Variants in CALD1 observed in about 807,000 individuals in gnomAD.
The protein encoded by CALD1 is caldesmon.
In CALD1, 33 loss-of-function variants were observed where a neutral mutation model predicts 99.9. That is an observed-to-expected ratio of 0.33 (90% CI 0.25 to 0.44). The LOEUF is 0.44. Ranked by LOEUF, CALD1 falls within the 20% of genes least tolerant of loss-of-function variation. CALD1 has a pLI of 1.00. For missense variants in CALD1, 861 were observed against 962.1 expected (o/e 0.89, Z 1.39); for synonymous variants, 310 against 325.0 (o/e 0.95, Z 0.50).
At chr7:134,802,391 G>T (rs1264296880) in intron 1 of CALD1, among the ~76,000 whole-genome samples, 1 of 147,782 alleles carries the variant, frequency 6.8e-6, no homozygotes, top group East Asian at 2.1e-4. Flanking sequence ...CCATGTTGTT[G>T]CATGTATAAG....
intron 1 of CALD1, among the ~76,000 whole-genome samples, chr7:134,811,247 T>C (rs1044688450): frequency 6.6e-6 from 1 of 152,166 alleles, no homozygotes; most frequent in Admixed American, 6.5e-5. Context: ...TTCAATTAAT[T>C]GAAGAAAGGG....
At chr7:134,776,904 AT>A (rs1358655876), upstream of CALD1, among the ~76,000 whole-genome samples, 2 of 152,230 alleles carry the variant, frequency 1.3e-5, no homozygotes, top group African/African-American at 2.4e-5. Flanking sequence ...AACTAAAAAA[AT>A]ATAAAGAATC....
At chr7:134,889,879 C>CTATA (rs1192007992) in intron 3 of CALD1, among the ~76,000 whole-genome samples, 5 of 152,078 alleles carry the variant, frequency 3.3e-5, no homozygotes, top group African/African-American at 1.2e-4. Flanking sequence ...TGTATTTACT[C>CTATA]TATAAACTAT....
intron 1 of CALD1, among the ~76,000 whole-genome samples, chr7:134,795,097 T>C (rs1797696696): frequency 6.6e-6 from 1 of 152,232 alleles, no homozygotes; most frequent in African/African-American, 2.4e-5. Flanking sequence ...TTTTTATTTA[T>C]TTATTTACTT....
At chr7:134,728,763 G>A in the CALD1 span, among the ~76,000 whole-genome samples, 1 of 151,902 alleles carries the variant, frequency 6.6e-6, no homozygotes. Flanking sequence ...TATCCCTTGA[G>A]GTTAATTCCT....
chr7:134,712,226 C>T, the CALD1 span, among the ~76,000 whole-genome samples: 2 of 152,170 alleles, frequency 1.3e-5, no homozygotes, highest in African/African-American at 2.4e-5. Flanking sequence ...GATCTCTTAC[C>T]ATTTCCTCCA....
intron 3 of CALD1, among the ~76,000 whole-genome samples, chr7:134,888,013 T>A (rs1007116343): frequency 6.6e-6 from 1 of 152,246 alleles, no homozygotes; most frequent in African/African-American, 2.4e-5. Flanking sequence ...CTCTAAAGTC[T>A]GGAACAGATC....
At chr7:134,886,971 A>G (rs959109541) in intron 3 of CALD1, among the ~76,000 whole-genome samples, 2 of 152,262 alleles carry the variant, frequency 1.3e-5, no homozygotes, top group East Asian at 3.8e-4. Flanking sequence ...TACGCGAAGC[A>G]AAGCAAAAAG....
intron 1 of CALD1, among the ~76,000 whole-genome samples, chr7:134,837,843 T>C (rs1399877455): frequency 6.6e-6 from 1 of 152,236 alleles, no homozygotes; most frequent in African/African-American, 2.4e-5. Flanking sequence ...ATTTTAAAAT[T>C]GAAGTAGCTG....
At chr7:134,891,613 C>T (rs1325221540) in intron 3 of CALD1, 2 of 1,608,186 alleles carry the variant, frequency 1.2e-6, no homozygotes, top group Admixed American at 1.7e-5. Context: ...CCCTTCCCAA[C>T]TGCGGACATG....
At chr7:134,934,950 G>A (rs1453016474) in intron 5 of CALD1, among the ~76,000 whole-genome samples, 1 of 151,916 alleles carries the variant, frequency 6.6e-6, no homozygotes, top group African/African-American at 2.4e-5. Context: ...ATAAAGAGGG[G>A]GAAAGGAACT....
In CALD1 at chr7:134,947,605, G is replaced by A. The variant is rs1408044191; in HGVS notation, c.1630G>A (p.Gly544Arg). 2 of 1,562,472 alleles carry A rather than the reference G, an allele frequency of 1.3e-6. No individual in the cohort carries two copies. Among genetic ancestry groups the A allele is most frequent in the East Asian group, 2.4e-5 (1 of 41,540 alleles). Residue 544 changes from glycine to arginine, a missense_variant, in exon 8 of 15, where the codon GGG (glycine) becomes AGG (arginine). Gly to Arg is a moderately radical substitution (Grantham distance 125, BLOSUM62 -2). This residue lies in a region of CALD1 where 293 missense variants were observed against 262.7 expected (regional missense o/e 1.12). Transcript: ENST00000361675. Reference sequence around the variant, plus strand: ...GCTGGAGGAGCTTCGTCGTCGTCGCGGGGAGACCGAGAGCGAAGAGTTCGA... The same window carrying A: ...GCTGGAGGAGCTTCGTCGTCGTCGCAGGGAGACCGAGAGCGAAGAGTTCGA... Reference protein sequence around the residue: ...KRLEELRRRRGETESEEFEKL... With the variant: ...KRLEELRRRRRETESEEFEKL...
At chr7:134,885,430 C>T (rs1034424225) in intron 3 of CALD1, among the ~76,000 whole-genome samples, 17 of 152,052 alleles carry the variant, frequency 1.1e-4, no homozygotes, top group African/African-American at 3.6e-4. Flanking sequence ...CTGACCACCC[C>T]CCAAAAAGAA....
At chr7:134,957,570 T>C (rs1807874512) in intron 9 of CALD1, among the ~76,000 whole-genome samples, 1 of 151,990 alleles carries the variant, frequency 6.6e-6, no homozygotes, top group South Asian at 2.1e-4. Flanking sequence ...CAGGCGCGTG[T>C]CACCACACCC....
chr7:134,751,299 T>A (rs956432589), intron 1 of CALD1, among the ~76,000 whole-genome samples: 1 of 152,238 alleles, frequency 6.6e-6, no homozygotes, highest in African/African-American at 2.4e-5. Flanking sequence ...ATTATTAGTA[T>A]AATGGTTTTA....
intron 1 of CALD1, among the ~76,000 whole-genome samples, chr7:134,820,073 T>G (rs539324800): frequency 6.6e-5 from 10 of 152,334 alleles, no homozygotes; most frequent in African/African-American, 9.6e-5. Flanking sequence ...TTCTATTCAC[T>G]TTAGTTGGAT....
intron 2 of CALD1, among the ~76,000 whole-genome samples, chr7:134,851,748 T>C (rs939239279): frequency 1.3e-5 from 2 of 152,266 alleles, no homozygotes; most frequent in South Asian, 2.1e-4. Flanking sequence ...GGGTCTCCTA[T>C]TGGCAAGTCT....
At chr7:134,877,252 G>T (rs1032203866) in intron 3 of CALD1, among the ~76,000 whole-genome samples, 1 of 152,118 alleles carries the variant, frequency 6.6e-6, no homozygotes, top group African/African-American at 2.4e-5. Flanking sequence ...ACTGAACAAG[G>T]TACAACTCCA....
At chr7:134,723,283 T>G in the CALD1 span, among the ~76,000 whole-genome samples, 1 of 152,238 alleles carries the variant, frequency 6.6e-6, no homozygotes, top group East Asian at 1.9e-4. Context: ...AGTTTCTGCA[T>G]CTTGGCCTAG....
Sources: gnomAD v4.1 joint callset for allele counts (sites outside exome capture counted in the v4.1 genomes callset) on GRCh38, gnomAD v4.1.1 for gene constraint, gnomAD v4.1.1 regional missense constraint, MANE v1.5 for transcripts, NCBI Gene and HGNC (gene_info 2026-07-23, HGNC 2026-07-21) for gene names.